Variants in ULK4 observed in about 807,000 individuals in gnomAD.
The protein encoded by ULK4 is inactive serine/threonine-protein kinase ULK4.
ULK4 carries 133 observed loss-of-function variants against 160.6 expected under a neutral mutation model. That is an observed-to-expected ratio of 0.83 (90% CI 0.72 to 0.96). The LOEUF (loss-of-function observed/expected upper bound fraction) is 0.96, where lower values mean the gene tolerates loss of function less well. Among genes scored for constraint, ULK4 ranks in the 40% least tolerant of loss-of-function variants. ULK4 has a pLI of 0.00. For synonymous variants in ULK4, 534 were observed against 539.8 expected, an observed-to-expected ratio of 0.99 and a Z score of 0.15; for missense variants, 1,580 against 1,499.5, an observed-to-expected ratio of 1.05 and a Z score of -0.89.
At chr3:41,380,242 T>A (rs1260716046) in intron 35 of ULK4, among the ~76,000 whole-genome samples, 2 of 152,108 alleles carry the variant, frequency 1.3e-5, no homozygotes. Flanking sequence ...CTAATTTGAA[T>A]AGCAATGGAA....
At chr3:41,598,776 A>T (rs535715731) in intron 31 of ULK4, among the ~76,000 whole-genome samples, 1 of 152,314 alleles carries the variant, frequency 6.6e-6, no homozygotes, top group South Asian at 2.1e-4. Context: ...GGCTTACTAT[A>T]AAAAGAATAG....
At position 41,781,861 on chromosome 3, in the gene ULK4, C is replaced by A. The variant is rs577143574; in HGVS notation, c.2193+7800G>T. 5.9e-5 allele frequency among the ~76,000 whole-genome samples: 9 copies of A among 152,206 alleles called. No individual in the cohort carries two copies. In the South Asian group the frequency reaches 1.7e-3, roughly 28 times the overall value. On this transcript the variant is annotated intron_variant, in intron 21 of 36. Transcript: ENST00000301831. ...GGCTGAGGCAGGAGAATCACTTGAACCCGGGAGGCGGAGGTTGCAGTGAGC... is the reference window on the plus strand; with the variant it reads ...GGCTGAGGCAGGAGAATCACTTGAAACCGGGAGGCGGAGGTTGCAGTGAGC...
At chr3:41,916,759 G>A (rs1698981728) in intron 7 of ULK4, among the ~76,000 whole-genome samples, 1 of 148,106 alleles carries the variant, frequency 6.8e-6, no homozygotes, top group Non-Finnish European at 1.5e-5. Context: ...CCAGGCTGGA[G>A]TGCAATGGAG....
intron 30 of ULK4, among the ~76,000 whole-genome samples, chr3:41,626,742 G>A (rs2033530223): frequency 6.6e-6 from 1 of 151,076 alleles, no homozygotes; most frequent in South Asian, 2.1e-4. Flanking sequence ...TAGCCAGGAT[G>A]GTCTCGATCT....
chr3:41,543,223 T>C (rs1372405334), intron 32 of ULK4, among the ~76,000 whole-genome samples: 4 of 152,086 alleles, frequency 2.6e-5, no homozygotes, highest in African/African-American at 7.2e-5. Context: ...CTCATCATTA[T>C]AGTACGGGAA....
intron 35 of ULK4, among the ~76,000 whole-genome samples, chr3:41,322,636 A>C (rs2080266863): frequency 1.3e-5 from 2 of 152,156 alleles, no homozygotes; most frequent in Non-Finnish European, 2.9e-5. Flanking sequence ...ATTCCCACAA[A>C]CACTAATGTT....
At chr3:41,470,972 T>C (rs2083975399) in intron 32 of ULK4, among the ~76,000 whole-genome samples, 1 of 152,070 alleles carries the variant, frequency 6.6e-6, no homozygotes, top group Non-Finnish European at 1.5e-5. Flanking sequence ...CCTTACCTAT[T>C]GATAATTACC....
rs561429285 is a variant in ULK4, at chr3:41,595,433, G to A, written c.3120+20236C>T. 3.3e-5 allele frequency among the ~76,000 whole-genome samples: 5 copies of A among 152,334 alleles called. No individual in the cohort carries two copies. The East Asian group carries it at 9.6e-4, about 29-fold the overall frequency. On this transcript the variant is annotated intron_variant, in intron 31 of 36. Coordinates refer to ENST00000301831, the MANE Select transcript of ULK4 (RefSeq NM_017886.4). ...GGCACCTAGTAATCCTAGAAAAGAA[G>A]GCTAATGAAGAATTACTAATAAAAG...
chr3:41,732,149 G>A (rs1359132757), intron 22 of ULK4, among the ~76,000 whole-genome samples: 1 of 152,062 alleles, frequency 6.6e-6, no homozygotes. Context: ...AAACTAAAAA[G>A]CTTCTGCACA....
At chr3:41,666,019 C>G (rs2035341039) in intron 29 of ULK4, among the ~76,000 whole-genome samples, 1 of 152,206 alleles carries the variant, frequency 6.6e-6, no homozygotes, top group Non-Finnish European at 1.5e-5. Flanking sequence ...AAGACCAGGA[C>G]AAGCTTCCAG....
At chr3:41,409,287 T>C (rs753722770) in intron 34 of ULK4, among the ~76,000 whole-genome samples, 7 of 152,064 alleles carry the variant, frequency 4.6e-5, no homozygotes, top group Non-Finnish European at 1.0e-4. Flanking sequence ...ATAAAACTTA[T>C]AGAAAACACA....
At chr3:41,711,903 G>C (rs1451407013) in intron 25 of ULK4, among the ~76,000 whole-genome samples, 1 of 152,192 alleles carries the variant, frequency 6.6e-6, no homozygotes, top group Non-Finnish European at 1.5e-5. Context: ...AACTTCCCCA[G>C]AGACTAGACT....
chr3:41,398,768 G>A (rs1398911686), intron 34 of ULK4, among the ~76,000 whole-genome samples: 2 of 151,622 alleles, frequency 1.3e-5, no homozygotes, highest in Non-Finnish European at 2.9e-5. Flanking sequence ...AAATCAGAAG[G>A]TCCTATATTC....
At chr3:41,824,290 T>A (rs2041260854) in intron 18 of ULK4, among the ~76,000 whole-genome samples, 1 of 151,808 alleles carries the variant, frequency 6.6e-6, no homozygotes, top group African/African-American at 2.4e-5. Flanking sequence ...ACCAGGTTCA[T>A]CTCACTGGGG....
intron 31 of ULK4, among the ~76,000 whole-genome samples, chr3:41,608,282 C>G (rs964752717): frequency 1.3e-5 from 2 of 152,106 alleles, no homozygotes; most frequent in Non-Finnish European, 2.9e-5. Context: ...ATAAATTCTT[C>G]TTTTTCTTGC....
At chr3:41,588,248 A>C (rs1176101144) in intron 31 of ULK4, among the ~76,000 whole-genome samples, 1 of 152,242 alleles carries the variant, frequency 6.6e-6, no homozygotes, top group East Asian at 1.9e-4. Context: ...AGTACATTTC[A>C]TTTAATACAT....
intron 31 of ULK4, among the ~76,000 whole-genome samples, chr3:41,596,354 G>A (rs1466358925): frequency 6.6e-6 from 1 of 152,186 alleles, no homozygotes; most frequent in Non-Finnish European, 1.5e-5. Context: ...TTTTTCAGGT[G>A]CTGGTGAAGA....
At chr3:41,270,370 C>T (rs112766161) in intron 35 of ULK4, among the ~76,000 whole-genome samples, 1 of 152,200 alleles carries the variant, frequency 6.6e-6, no homozygotes, top group Non-Finnish European at 1.5e-5. Flanking sequence ...ATGTCCACAA[C>T]TGTCCACTCT....
At chr3:41,535,079 A>G (rs985188479) in intron 32 of ULK4, among the ~76,000 whole-genome samples, 1 of 152,108 alleles carries the variant, frequency 6.6e-6, no homozygotes, top group African/African-American at 2.4e-5. Context: ...TTATTTTTCA[A>G]CTAAGATTTA....
Sources: allele counts gnomAD v4.1 joint callset (sites outside exome capture counted in the v4.1 genomes callset), GRCh38; gene constraint gnomAD v4.1.1; transcripts MANE v1.5; gene names NCBI Gene and HGNC (gene_info 2026-07-23, HGNC 2026-07-21).